The following TTLL6 variants were observed in gnomAD, a reference collection of about 807,000 sequenced individuals.
The protein encoded by TTLL6 is tubulin polyglutamylase TTLL6.
In TTLL6, 75 loss-of-function variants were observed where a neutral mutation model predicts 96.4. That is an observed-to-expected ratio of 0.78 (90% CI 0.65 to 0.94). The LOEUF is 0.94. Among genes scored for constraint, TTLL6 ranks in the 40% least tolerant of loss-of-function variants. TTLL6 has a pLI of 0.00. For synonymous variants in TTLL6, 411 were observed against 419.4 expected, an observed-to-expected ratio of 0.98 and a Z score of 0.24; for missense variants, 1,030 against 1,093.0, an observed-to-expected ratio of 0.94 and a Z score of 0.81.
intron 15 of TTLL6, 145 bp downstream of exon 15, chr17:48,768,844 G>T: frequency 1.1e-6 from 1 of 912,320 alleles, no homozygotes; most frequent in Non-Finnish European, 1.7e-6. Context: ...ACCCAGCCAG[G>T]GTCACATTTT....
At chr17:48,765,720 A>G (rs1396423862) in intron 15 of TTLL6, 1 of 152,312 alleles carries the variant, frequency 6.6e-6, no homozygotes, top group Non-Finnish European at 1.5e-5. Flanking sequence ...CACCATACTG[A>G]TGCCAAACTT....
At chr17:48,771,160 G>T (rs2038736265) in intron 13 of TTLL6, among the ~76,000 whole-genome samples, 1 of 152,136 alleles carries the variant, frequency 6.6e-6, no homozygotes, top group Admixed American at 6.5e-5. Context: ...ATCCTTTCAT[G>T]TGCAGTTTGG....
At chr17:48,798,350 T>A (rs955706767) in intron 6 of TTLL6, among the ~76,000 whole-genome samples, 2 of 152,130 alleles carry the variant, frequency 1.3e-5, no homozygotes, top group Non-Finnish European at 2.9e-5. Flanking sequence ...GCAGATCACT[T>A]GAGGTCAGGA....
At chr17:48,781,309 A>T (rs2038980842) in intron 13 of TTLL6, among the ~76,000 whole-genome samples, 1 of 152,144 alleles carries the variant, frequency 6.6e-6, no homozygotes, top group Non-Finnish European at 1.5e-5. Context: ...AGCGTCCCAA[A>T]GTGCTGGGAT....
chr17:48,800,026 A>C, intron 5 of TTLL6: 1 of 434,358 alleles, frequency 2.3e-6, no homozygotes, highest in East Asian at 4.0e-5. Context: ...ACCTCTCTAA[A>C]CCTCAACTTC....
At chr17:48,772,077 C>G (rs2038759025) in intron 13 of TTLL6, among the ~76,000 whole-genome samples, 1 of 150,374 alleles carries the variant, frequency 6.7e-6, no homozygotes, top group Non-Finnish European at 1.5e-5. Flanking sequence ...GATTCTATCT[C>G]AAAACAAAAC....
chr17:48,807,619 C>G (rs1265001363), intron 1 of TTLL6, among the ~76,000 whole-genome samples: 3 of 151,468 alleles, frequency 2.0e-5, no homozygotes, highest in Non-Finnish European at 4.4e-5. Flanking sequence ...TCAAGCAATT[C>G]TTGTACTTCG....
At chr17:48,787,438 T>C (rs572186208) in intron 11 of TTLL6, among the ~76,000 whole-genome samples, 22 of 152,322 alleles carry the variant, frequency 1.4e-4, no homozygotes, top group African/African-American at 4.8e-4. Context: ...ACACCCACGC[T>C]GGAGTGCAGG....
rs1357740745 is a variant in TTLL6, at chr17:48,799,571, G to T, written c.768+33C>A. The T allele has an allele frequency of 4.5e-6, 7 of 1,542,404 alleles. No homozygotes were observed. In the Admixed American group the frequency reaches 1.4e-4, roughly 30 times the overall value. ...GGAGCTAAAGTCCGCGGTTGCTGTG[G>T]GTGATAAATAAATAATCACAATGAG... is the stretch of plus-strand genomic sequence containing the variant. On this transcript the variant is annotated intron_variant, in intron 6 of 15. Transcript: ENST00000393382.
At chr17:48,809,387 C>T (rs534654634) in intron 1 of TTLL6, among the ~76,000 whole-genome samples, 10 of 152,286 alleles carry the variant, frequency 6.6e-5, no homozygotes, top group Non-Finnish European at 1.2e-4. Context: ...CCCTCCGCAA[C>T]GGCTCCTATG....
At chr17:48,768,717 T>A (rs2038667370) in intron 15 of TTLL6, among the ~76,000 whole-genome samples, 1 of 152,084 alleles carries the variant, frequency 6.6e-6, no homozygotes, top group Non-Finnish European at 1.5e-5. Flanking sequence ...ATTTTTAAAT[T>A]TTTTGTAGAG....
chr17:48,797,996 T>C (rs2039349038), intron 6 of TTLL6, among the ~76,000 whole-genome samples: 1 of 151,890 alleles, frequency 6.6e-6, no homozygotes. Context: ...AAGTCTTAGC[T>C]ACTCAGGAGG....
intron 12 of TTLL6, 84 bp downstream of exon 12, chr17:48,786,080 A>G: frequency 6.3e-7 from 1 of 1,576,064 alleles, no homozygotes; most frequent in Non-Finnish European, 8.6e-7. Flanking sequence ...GGCTCTGAGC[A>G]GTGGTCTCCT....
intron 1 of TTLL6, chr17:48,812,396 A>G (rs1299247605): frequency 6.6e-6 from 1 of 152,214 alleles, no homozygotes; most frequent in Non-Finnish European, 1.5e-5. Flanking sequence ...GCTGCAGTGT[A>G]GTAGCTAAGA....
intron 13 of TTLL6, among the ~76,000 whole-genome samples, chr17:48,773,125 G>A (rs1165862823): frequency 1.3e-5 from 1 of 75,500 alleles, no homozygotes; most frequent in Non-Finnish European, 2.7e-5. Flanking sequence ...TTTGACTATA[G>A]AGCAATAGAA....
intron 13 of TTLL6, among the ~76,000 whole-genome samples, chr17:48,774,091 C>CAAACAAAAAAAA (rs2038811801): frequency 9.4e-6 from 1 of 106,450 alleles, no homozygotes; most frequent in African/African-American, 3.4e-5. Flanking sequence ...TCAAAAAAAA[C>CAAACAAAAAAAA]AAAACAAAAA....
intron 13 of TTLL6, among the ~76,000 whole-genome samples, chr17:48,784,014 T>C (rs909149422): frequency 6.6e-6 from 1 of 152,164 alleles, no homozygotes; most frequent in African/African-American, 2.4e-5. Context: ...TGACCTTATT[T>C]GGAGAGAGGG....
intron 13 of TTLL6, among the ~76,000 whole-genome samples, chr17:48,772,904 A>G (rs1378232793): frequency 6.6e-6 from 1 of 152,088 alleles, no homozygotes; most frequent in East Asian, 1.9e-4. Flanking sequence ...TTTGGGAAGC[A>G]GAAGCCAGAG....
Position 48,791,514 on chromosome 17 carries a change from G to T in TTLL6, c.1088C>A (p.Thr363Asn). The T allele has an allele frequency of 6.2e-7, 1 of 1,611,006 alleles. No homozygotes were observed. Among genetic ancestry groups the T allele is most frequent in the Non-Finnish European group, 8.5e-7 (1 of 1,177,164 alleles). Residue 363 changes from threonine to asparagine, a missense_variant, in exon 9 of 16, where the codon ACC (threonine) becomes AAC (asparagine). Thr to Asn is a moderately conservative substitution (Grantham distance 65, BLOSUM62 0). Coordinates refer to ENST00000393382, the MANE Select transcript of TTLL6 (RefSeq NM_001130918.3). ...GATGATGGGGTGGGCCGAGATGAGG[G>T]TCTTGATGATGACGTCCTCAATATC... The part of the protein sequence containing the change: ...WRDIEDVIIK[T>N]LISAHPIIRH...
Sources: allele counts gnomAD v4.1 joint callset (sites outside exome capture counted in the v4.1 genomes callset), GRCh38; gene constraint gnomAD v4.1.1; transcripts MANE v1.5; gene names NCBI Gene and HGNC (gene_info 2026-07-23, HGNC 2026-07-21).